The following RAD51B variants were observed in gnomAD, a reference collection of about 807,000 sequenced individuals.
RAD51B encodes the protein RAD51 paralog B.
RAD51B carries 38 observed loss-of-function variants against 42.2 expected under a neutral mutation model. That is an observed-to-expected ratio of 0.90 (90% CI 0.70 to 1.18). The LOEUF is 1.18. RAD51B is among the 50% of genes most tolerant of loss of function. The probability of loss-of-function intolerance (pLI) is 0.00; values close to 1 mark genes in which losing one functional copy is unlikely to be tolerated. For synonymous variants in RAD51B, 154 were observed against 145.2 expected, an observed-to-expected ratio of 1.06 and a Z score of -0.43; for missense variants, 373 against 400.7, an observed-to-expected ratio of 0.93 and a Z score of 0.59.
chr14:68,146,604 G>A (rs2078254740), intron 7 of RAD51B, among the ~76,000 whole-genome samples: 1 of 152,124 alleles, frequency 6.6e-6, no homozygotes, highest in Non-Finnish European at 1.5e-5. Flanking sequence ...CTCTATTAGA[G>A]GACCCTGGCT....
chr14:68,421,697 C>T (rs1329760619), intron 9 of RAD51B: 3 of 1,579,594 alleles, frequency 1.9e-6, no homozygotes, highest in East Asian at 4.5e-5. Flanking sequence ...ACAAGTCAAA[C>T]TTATTCGAGT....
At chr14:68,655,031 G>A (rs563156158) in intron 11 of RAD51B, among the ~76,000 whole-genome samples, 107 of 152,256 alleles carry the variant, frequency 7.0e-4, no homozygotes, top group African/African-American at 2.4e-3. Context: ...GCCCCACCAG[G>A]CAGTCATGAT....
intron 10 of RAD51B, among the ~76,000 whole-genome samples, chr14:68,524,484 C>T (rs528008850): frequency 9.7e-4 from 147 of 152,262 alleles, no homozygotes; most frequent in Non-Finnish European, 1.7e-3. Context: ...GTGAGTTCTA[C>T]GCTGCTGCCC....
chr14:67,822,789 A>G (rs1020390447), intron 1 of RAD51B, among the ~76,000 whole-genome samples: 9 of 152,168 alleles, frequency 5.9e-5, no homozygotes, highest in Non-Finnish European at 2.9e-5. Flanking sequence ...ATAAAATCTC[A>G]TTTGATTCAG....
At chr14:68,494,501 A>T (rs1413202228) in intron 10 of RAD51B, among the ~76,000 whole-genome samples, 1 of 152,156 alleles carries the variant, frequency 6.6e-6, no homozygotes, top group African/African-American at 2.4e-5. Flanking sequence ...CAACAAGGCT[A>T]TCTCTGAAAG....
chr14:68,051,599 T>C (rs2076394747), intron 7 of RAD51B, among the ~76,000 whole-genome samples: 1 of 135,914 alleles, frequency 7.4e-6, no homozygotes, highest in Non-Finnish European at 1.6e-5. Context: ...GTTAATCTAA[T>C]TTTTTTTTTT....
At chr14:68,238,212 T>TA (rs1174201583) in intron 7 of RAD51B, among the ~76,000 whole-genome samples, 2 of 152,238 alleles carry the variant, frequency 1.3e-5, no homozygotes, top group Non-Finnish European at 2.9e-5. Flanking sequence ...ATAGCCATCC[T>TA]AGTAGTTGTG....
At chr14:68,527,938 TCAAATTTTC>T (rs1196990680) in intron 10 of RAD51B, among the ~76,000 whole-genome samples, 3 of 152,256 alleles carry the variant, frequency 2.0e-5, no homozygotes, top group Non-Finnish European at 4.4e-5. Flanking sequence ...TTATACTCTT[TCAAATTTTC>T]CAAATTTTCT....
intron 7 of RAD51B, among the ~76,000 whole-genome samples, chr14:68,034,712 C>T (rs2076095158): frequency 6.6e-6 from 1 of 152,020 alleles, no homozygotes; most frequent in South Asian, 2.1e-4. Context: ...ACAAATACCA[C>T]TTTTAGCAAA....
intron 7 of RAD51B, among the ~76,000 whole-genome samples, chr14:67,928,615 C>T (rs1280518776): frequency 6.6e-6 from 1 of 151,996 alleles, no homozygotes; most frequent in Non-Finnish European, 1.5e-5. Context: ...GGCCATGACA[C>T]TTGGTACTTG....
At chr14:68,053,852 T>C (rs2140425107) in intron 7 of RAD51B, among the ~76,000 whole-genome samples, 1 of 152,246 alleles carries the variant, frequency 6.6e-6, no homozygotes, top group East Asian at 1.9e-4. Context: ...AATATCCTGA[T>C]ATAATTCTGT....
At chr14:68,228,108 T>C (rs1467454412) in intron 7 of RAD51B, among the ~76,000 whole-genome samples, 2 of 152,108 alleles carry the variant, frequency 1.3e-5, no homozygotes, top group African/African-American at 4.8e-5. Flanking sequence ...TTGTCCAAGA[T>C]TACAAGCTAG....
chr14:68,015,836 C>T (rs768964468), intron 7 of RAD51B, among the ~76,000 whole-genome samples: 9 of 152,180 alleles, frequency 5.9e-5, no homozygotes, highest in Non-Finnish European at 1.0e-4. Flanking sequence ...CTTAAACAAT[C>T]GTTTCACTTT....
chr14:68,185,115 AC>A (rs1183375645), intron 7 of RAD51B, among the ~76,000 whole-genome samples: 1 of 151,978 alleles, frequency 6.6e-6, no homozygotes, highest in Non-Finnish European at 1.5e-5. Flanking sequence ...TTACTACTTC[AC>A]CCCCACCAGC....
intron 5 of RAD51B, among the ~76,000 whole-genome samples, chr14:67,879,372 T>C (rs2042832719): frequency 6.6e-6 from 1 of 152,238 alleles, no homozygotes; most frequent in African/African-American, 2.4e-5. Context: ...GATTAGTGTT[T>C]GATTGAATAA....
At chr14:68,600,085 G>A (rs573818041), downstream of RAD51B, among the ~76,000 whole-genome samples, 1 of 152,304 alleles carries the variant, frequency 6.6e-6, no homozygotes, top group East Asian at 1.9e-4. Context: ...CTGTCCCACG[G>A]GATGCAGCAG....
intron 7 of RAD51B, among the ~76,000 whole-genome samples, chr14:68,168,939 A>G (rs2078811549): frequency 6.6e-6 from 1 of 152,182 alleles, no homozygotes; most frequent in African/African-American, 2.4e-5. Flanking sequence ...AGTACATTTC[A>G]GACTTCCCCT....
intron 7 of RAD51B, among the ~76,000 whole-genome samples, chr14:68,094,927 T>C (rs1323659391): frequency 6.6e-6 from 1 of 152,228 alleles, no homozygotes; most frequent in Non-Finnish European, 1.5e-5. Context: ...CACAGGAATT[T>C]ATGTTTTTTT....
At chr14:68,495,384 G>T (rs1884429002) in intron 10 of RAD51B, among the ~76,000 whole-genome samples, 1 of 152,054 alleles carries the variant, frequency 6.6e-6, no homozygotes, top group Admixed American at 6.6e-5. Flanking sequence ...TTTGAAATCA[G>T]ATCCTGGCAC....
Sources: gnomAD v4.1 joint callset for allele counts (sites outside exome capture counted in the v4.1 genomes callset) on GRCh38, gnomAD v4.1.1 for gene constraint, MANE v1.5 for transcripts, NCBI Gene and HGNC (gene_info 2026-07-23, HGNC 2026-07-21) for gene names.